The following RANBP17 variants were observed in gnomAD, a reference collection of about 807,000 sequenced individuals.
The protein encoded by RANBP17 is RAN binding protein 17.
In RANBP17, 158 loss-of-function variants were observed where a neutral mutation model predicts 141.2. That is an observed-to-expected ratio of 1.12 (90% CI 0.98 to 1.28). The LOEUF (loss-of-function observed/expected upper bound fraction) is 1.28, where lower values mean the gene tolerates loss of function less well. RANBP17 is among the 50% of genes most tolerant of loss of function. The pLI is 0.00. For synonymous variants in RANBP17, 430 were observed against 450.0 expected (o/e 0.96, Z 0.56); for missense variants, 1,438 against 1,290.7 (o/e 1.11, Z -1.75).
At chr5:171,132,291 G>C (rs1756974742) in intron 14 of RANBP17, among the ~76,000 whole-genome samples, 1 of 151,876 alleles carries the variant, frequency 6.6e-6, no homozygotes, top group African/African-American at 2.4e-5. Flanking sequence ...GGAGAGAAAA[G>C]AAGGAAGGAG....
At chr5:171,140,982 A>C (rs148733260) in intron 14 of RANBP17, among the ~76,000 whole-genome samples, 3 of 152,318 alleles carry the variant, frequency 2.0e-5, no homozygotes, top group Non-Finnish European at 4.4e-5. Context: ...AGCAGAAACT[A>C]TCTTTGGCTG....
intron 22 of RANBP17, among the ~76,000 whole-genome samples, chr5:171,226,550 G>A (rs1763890240): frequency 6.6e-6 from 1 of 152,152 alleles, no homozygotes; most frequent in Non-Finnish European, 1.5e-5. Context: ...AATTGAATTT[G>A]TAAAGTGTTA....
intron 14 of RANBP17, among the ~76,000 whole-genome samples, chr5:170,984,943 TA>T (rs1778023011): frequency 6.6e-6 from 1 of 152,044 alleles, no homozygotes; most frequent in South Asian, 2.1e-4. Flanking sequence ...TAAAAATGGA[TA>T]AGGAAGAGTC....
chr5:171,023,297 CTT>C (rs961530875), intron 14 of RANBP17, among the ~76,000 whole-genome samples: 12 of 152,300 alleles, frequency 7.9e-5, no homozygotes, highest in South Asian at 4.1e-4. Context: ...TAATGTAAGA[CTT>C]TTATAACTTT....
At chr5:171,124,557 C>G (rs918572059) in intron 14 of RANBP17, among the ~76,000 whole-genome samples, 1 of 151,988 alleles carries the variant, frequency 6.6e-6, no homozygotes, top group Non-Finnish European at 1.5e-5. Flanking sequence ...AGGTCTTCTC[C>G]AGATCACATC....
At chr5:171,130,860 C>G (rs1409318620) in intron 14 of RANBP17, among the ~76,000 whole-genome samples, 1 of 152,056 alleles carries the variant, frequency 6.6e-6, no homozygotes, top group African/African-American at 2.4e-5. Flanking sequence ...AAGCTAGTTT[C>G]CCTTCTAGCT....
chr5:171,143,537 C>A (rs1757842552), intron 14 of RANBP17: 1 of 152,172 alleles, frequency 6.6e-6, no homozygotes, highest in Non-Finnish European at 1.5e-5. Context: ...CCTGATTTTA[C>A]AGATGGCAGT....
At chr5:171,174,960 C>T (rs893692184) in intron 16 of RANBP17, among the ~76,000 whole-genome samples, 2 of 151,978 alleles carry the variant, frequency 1.3e-5, no homozygotes, top group Admixed American at 1.3e-4. Flanking sequence ...AGCCCTTCAC[C>T]CCCCTACAGG....
At position 171,252,818 on chromosome 5, in the gene RANBP17, G is replaced by A. The variant is rs1472352103; in HGVS notation, c.2776+9998G>A. ...CTCATTGTCAGCATTGGTCCCAGTC[G>A]AGGCCATTGTATTGTAATAGTTAAG... On this transcript the variant is annotated intron_variant, in intron 24 of 27. Transcript: ENST00000523189. 3.3e-6 allele frequency: 4 copies of A among 1,227,512 alleles called. No homozygotes were observed. The East Asian group carries it at 7.0e-5, about 21-fold the overall frequency. The allele number at this position is 1,227,512 out of a possible 1,614,324, so 76.0% of individuals were successfully genotyped here. A position where few individuals can be genotyped will look rare whatever the true frequency, so the allele number is the denominator to read the frequency against.
chr5:171,168,864 T>C (rs1759903933), intron 14 of RANBP17, among the ~76,000 whole-genome samples: 2 of 151,886 alleles, frequency 1.3e-5, no homozygotes, highest in South Asian at 2.1e-4. Flanking sequence ...CTCTCTCTCT[T>C]TCTTCCCCAG....
At chr5:170,895,960 C>T in intron 4 of RANBP17, 90 bp from the exon 5 acceptor site, 1 of 619,528 alleles carries the variant, frequency 1.6e-6, no homozygotes, top group Non-Finnish European at 2.7e-6. Flanking sequence ...GTGTTTCAGT[C>T]TTTAATTGTT....
intron 14 of RANBP17, among the ~76,000 whole-genome samples, chr5:171,008,951 A>G (rs973994437): frequency 2.6e-5 from 4 of 152,182 alleles, no homozygotes; most frequent in Admixed American, 6.5e-5. Flanking sequence ...CCAATTTTCT[A>G]TAGTGCTCCT....
intron 14 of RANBP17, among the ~76,000 whole-genome samples, chr5:171,133,370 C>T (rs563687276): frequency 6.6e-6 from 1 of 152,166 alleles, no homozygotes; most frequent in South Asian, 2.1e-4. Flanking sequence ...TTTAAAGTTT[C>T]TATAAAAAAT....
intron 24 of RANBP17, among the ~76,000 whole-genome samples, chr5:171,245,524 G>A (rs888340364): frequency 2.0e-5 from 3 of 152,034 alleles, no homozygotes; most frequent in African/African-American, 4.8e-5. Flanking sequence ...ATGTTGGTCA[G>A]GCTGGTCTCG....
intron 22 of RANBP17, among the ~76,000 whole-genome samples, chr5:171,238,377 T>A (rs1214710289): frequency 1.9e-5 from 1 of 51,582 alleles, no homozygotes; most frequent in African/African-American, 4.8e-5. Flanking sequence ...ATAACAGTTA[T>A]GATTCTAAAT....
At chr5:170,929,914 A>C (rs1208291185) in intron 12 of RANBP17, among the ~76,000 whole-genome samples, 1 of 152,124 alleles carries the variant, frequency 6.6e-6, no homozygotes, top group Non-Finnish European at 1.5e-5. Context: ...CTTGGGGTCA[A>C]ATTTAGTCAT....
chr5:170,969,711 A>G (rs902614971), intron 14 of RANBP17, among the ~76,000 whole-genome samples: 2 of 152,016 alleles, frequency 1.3e-5, no homozygotes, highest in African/African-American at 2.4e-5. Flanking sequence ...TTTTAGGGCT[A>G]TGGGATTTCG....
In RANBP17 at chr5:170,918,839, T is replaced by A. The variant is rs1772195313; in HGVS notation, c.1081T>A (p.Phe361Ile). The stretch of plus-strand genomic sequence containing the variant: ...TGAAGTTATTAGATTGATTGCTAAT[T>A]TTACCATTACTAGCCTACAGGTAGG... ...YPEVIRLIANFTITSLQHWEF... is the reference protein window; with the variant it reads ...YPEVIRLIANITITSLQHWEF... The change falls in exon 10 of 28, where the codon TTT becomes ATT. Residue 361 changes from phenylalanine to isoleucine, a missense_variant. Phe to Ile is a conservative substitution (Grantham distance 21). Transcript: ENST00000523189. The A allele has an allele frequency of 5.1e-6, 8 of 1,582,830 alleles. No homozygotes were observed. In the South Asian group the frequency reaches 8.1e-5, roughly 16 times the overall value.
At chr5:171,022,896 C>G (rs947284824) in intron 14 of RANBP17, among the ~76,000 whole-genome samples, 2 of 152,192 alleles carry the variant, frequency 1.3e-5, no homozygotes, top group Non-Finnish European at 2.9e-5. Context: ...GGTTGGGATG[C>G]TAGCCCCAGT....
Sources: gnomAD v4.1 joint callset for allele counts (sites outside exome capture counted in the v4.1 genomes callset) on GRCh38, gnomAD v4.1.1 for gene constraint, MANE v1.5 for transcripts, NCBI Gene and HGNC (gene_info 2026-07-23, HGNC 2026-07-21) for gene names.